The following PMEPA1 variants were observed in gnomAD, a reference collection of about 807,000 sequenced individuals.
PMEPA1 encodes the protein prostate transmembrane protein, androgen induced 1.
A neutral mutation model predicts 23.0 loss-of-function variants in PMEPA1; 11 were observed. The ratio of observed to expected loss-of-function variants is 0.48; its 90% CI spans 0.30 to 0.79. The LOEUF (loss-of-function observed/expected upper bound fraction) is 0.79. Ranked by LOEUF, PMEPA1 falls within the 30% of genes least tolerant of loss-of-function variation. The pLI is 0.06. For missense variants in PMEPA1, 377 were observed against 390.9 expected, an observed-to-expected ratio of 0.96 and a Z score of 0.30; for synonymous variants, 204 against 166.4, an observed-to-expected ratio of 1.23 and a Z score of -1.74.
At chr20:57,709,048 C>G (rs954581839) in intron 1 of PMEPA1, among the ~76,000 whole-genome samples, 10 of 151,960 alleles carry the variant, frequency 6.6e-5, no homozygotes, top group African/African-American at 2.4e-4. Context: ...CGCCCGGAGC[C>G]CCAGACACCT....
intron 1 of PMEPA1, among the ~76,000 whole-genome samples, chr20:57,672,361 C>T (rs2071580179): frequency 6.6e-6 from 1 of 152,260 alleles, no homozygotes; most frequent in Non-Finnish European, 1.5e-5. Context: ...CTGACATGAG[C>T]CAGGATGGCG....
intron 1 of PMEPA1, among the ~76,000 whole-genome samples, chr20:57,671,290 G>T (rs1021976304): frequency 6.6e-6 from 1 of 152,152 alleles, no homozygotes; most frequent in Admixed American, 6.5e-5. Context: ...CATAACATCC[G>T]AAAGTTATTT....
At chr20:57,691,461 C>T (rs943942381) in intron 1 of PMEPA1, among the ~76,000 whole-genome samples, 9 of 152,140 alleles carry the variant, frequency 5.9e-5, no homozygotes, top group African/African-American at 9.7e-5. Flanking sequence ...AGTCTCTGGG[C>T]TGGTCTAGGA....
Position 57,681,923 on chromosome 20 carries a change from A to T in PMEPA1, c.110-22226T>A, listed in dbSNP as rs73915295. Among the ~76,000 whole-genome samples, 1,026 of 152,196 alleles carry T rather than the reference A, an allele frequency of 6.7e-3. 7 individuals are homozygous for T. The highest frequency in any genetic ancestry group is 0.024 in the African/African-American group (989 of 41,506). ...CTTCTCATCCCTCATTCTCAGCACA[A>T]GGTCAGCCCTGCTGAGAGACCCTCT... is the stretch of plus-strand genomic sequence containing the variant. On this transcript the variant is annotated intron_variant, in intron 1 of 3. Transcript: ENST00000341744.
chr20:57,673,278 A>G (rs1053866774), intron 1 of PMEPA1, among the ~76,000 whole-genome samples: 3 of 150,448 alleles, frequency 2.0e-5, no homozygotes, highest in South Asian at 2.1e-4. Context: ...CCCATTTCCA[A>G]TGGCCCAGCC....
intron 1 of PMEPA1, among the ~76,000 whole-genome samples, chr20:57,698,059 ATCTG>A (rs1325128499): frequency 3.3e-5 from 5 of 152,186 alleles, no homozygotes; most frequent in African/African-American, 9.7e-5. Flanking sequence ...CATTCTCTGC[ATCTG>A]TGGCTTATGA....
chr20:57,658,880 C>T (rs2071365484), intron 2 of PMEPA1, among the ~76,000 whole-genome samples: 1 of 152,214 alleles, frequency 6.6e-6, no homozygotes, highest in Admixed American at 6.5e-5. Flanking sequence ...CCCACCACTA[C>T]CCCGGTGGGT....
At chr20:57,699,249 C>T (rs181586281) in intron 1 of PMEPA1, among the ~76,000 whole-genome samples, 79 of 152,300 alleles carry the variant, frequency 5.2e-4, no homozygotes, top group Admixed American at 2.4e-3. Flanking sequence ...CTGAGCTCCG[C>T]CCAGCTCACA....
Position 57,652,043 on chromosome 20 carries a change from C to T in PMEPA1, c.*10G>A, listed in dbSNP as rs369326786. 6.8e-6 allele frequency: 10 copies of T among 1,466,524 alleles called. No homozygotes were observed. The East Asian group carries it at 7.4e-5, about 11-fold the overall frequency. 90.8% of individuals were successfully genotyped at this position (1,466,524 alleles called of 1,614,324 possible). On this transcript the variant is annotated 3_prime_UTR_variant, in exon 4 of 4. Transcript: ENST00000341744. This position sits in a 1 kb window ranked among gnomAD's most constrained non-coding sequence, Gnocchi z 6.1. Reference sequence around the variant, plus strand: ...ACCTACGCAGCCCCAGCCCGGCCCCCCTGGGGACCCTAGAGAGGGTGTCCT... The same window carrying T: ...ACCTACGCAGCCCCAGCCCGGCCCCTCTGGGGACCCTAGAGAGGGTGTCCT...
chr20:57,685,397 C>G (rs1294668960), intron 1 of PMEPA1, among the ~76,000 whole-genome samples: 1 of 152,224 alleles, frequency 6.6e-6, no homozygotes, highest in African/African-American at 2.4e-5. Flanking sequence ...TCAGATCTCT[C>G]TCCCCTCACG....
chr20:57,688,623 T>C (rs775627632), intron 1 of PMEPA1, among the ~76,000 whole-genome samples: 1 of 152,216 alleles, frequency 6.6e-6, no homozygotes, highest in Non-Finnish European at 1.5e-5. Context: ...CAGGGAACTT[T>C]GTGCCAGGCA....
chr20:57,667,022 C>T (rs537761390), intron 1 of PMEPA1, among the ~76,000 whole-genome samples: 3 of 152,320 alleles, frequency 2.0e-5, no homozygotes, highest in East Asian at 1.9e-4. Flanking sequence ...TAAATGACCT[C>T]GCAGTGGACA....
Position 57,683,258 on chromosome 20 carries a change from C to A in PMEPA1, c.110-23561G>T, listed in dbSNP as rs922495905. Among the ~76,000 whole-genome samples, 13 of 152,148 alleles carry A rather than the reference C, an allele frequency of 8.5e-5. No individual in the cohort carries two copies. Among genetic ancestry groups the A allele is most frequent in the African/African-American group, 1.9e-4 (8 of 41,432 alleles). On this transcript the variant is annotated intron_variant, in intron 1 of 3. Coordinates refer to ENST00000341744, the MANE Select transcript of PMEPA1 (RefSeq NM_020182.5). The surrounding 1 kb of genome is among the most constrained non-coding windows in gnomAD (Gnocchi z 4.3). ...GCTCCCTAAACTCAAGCCAAGGGTG[C>A]GTTTTTGATGTGCTGAGAGAGGCCA...
intron 1 of PMEPA1, among the ~76,000 whole-genome samples, chr20:57,697,440 T>G (rs968585023): frequency 6.6e-6 from 1 of 152,196 alleles, no homozygotes; most frequent in Non-Finnish European, 1.5e-5. Flanking sequence ...TCATCTATAC[T>G]TTGGAAGTCA....
At chr20:57,676,504 A>G (rs1221956750) in intron 1 of PMEPA1, among the ~76,000 whole-genome samples, 1 of 152,262 alleles carries the variant, frequency 6.6e-6, no homozygotes, top group East Asian at 1.9e-4. Flanking sequence ...AGTGACTGAT[A>G]CTGAGCAGGT....
intron 2 of PMEPA1, among the ~76,000 whole-genome samples, chr20:57,657,868 C>T (rs2071349840): frequency 1.3e-5 from 2 of 152,220 alleles, no homozygotes; most frequent in South Asian, 4.1e-4. Context: ...TCTGTGAGTC[C>T]TCCCCACACC....
At chr20:57,697,874 T>A (rs1462235578) in intron 1 of PMEPA1, among the ~76,000 whole-genome samples, 1 of 152,224 alleles carries the variant, frequency 6.6e-6, no homozygotes, top group Non-Finnish European at 1.5e-5. Context: ...GCACCATGTG[T>A]AAGTTCACAC....
chr20:57,700,692 C>T (rs1026675175), intron 1 of PMEPA1, among the ~76,000 whole-genome samples: 1 of 152,142 alleles, frequency 6.6e-6, no homozygotes, highest in Non-Finnish European at 1.5e-5. Context: ...GAGCCATTTC[C>T]CAAGCCCACT....
At position 57,678,271 on chromosome 20, in the gene PMEPA1, A is replaced by G. The variant is rs2071665687; in HGVS notation, c.110-18574T>C. On this transcript the variant is annotated intron_variant, in intron 1 of 3. Transcript: ENST00000341744. ...TGGCACTGTACTACAGTTATGTAAG[A>G]CGGTACCATTGGGGGAAGCTGGAGG... 2.0e-5 allele frequency among the ~76,000 whole-genome samples: 3 copies of G among 152,346 alleles called. No individual in the cohort carries two copies. The South Asian group carries it at 6.2e-4, about 32-fold the overall frequency.
Sources: allele counts gnomAD v4.1 joint callset (sites outside exome capture counted in the v4.1 genomes callset), GRCh38; gene constraint gnomAD v4.1.1; non-coding constraint Gnocchi (gnomAD v3.1); transcripts MANE v1.5; gene names NCBI Gene and HGNC (gene_info 2026-07-23, HGNC 2026-07-21).